Variants in SETD2 observed in about 807,000 individuals in gnomAD.
SETD2 encodes the protein SET domain containing 2, histone lysine methyltransferase, also known as histone-lysine N-methyltransferase SETD2.
Under a neutral mutation model 242.1 loss-of-function variants are expected in SETD2, and 31 were observed. The ratio of observed to expected loss-of-function variants is 0.13; its 90% confidence interval spans 0.10 to 0.17. The LOEUF is 0.17. Among genes scored for constraint, SETD2 ranks in the 10% least tolerant of loss-of-function variants. The probability of loss-of-function intolerance (pLI) is 1.00; values close to 1 mark genes in which losing one functional copy is unlikely to be tolerated. For synonymous variants in SETD2, 1,006 were observed against 1,066.5 expected (o/e 0.94, Z 1.11); for missense variants, 2,481 against 3,046.3 (o/e 0.81, Z 4.37).
At chr3:47,071,691 C>A (rs1167286279) in intron 12 of SETD2, among the ~76,000 whole-genome samples, 4 of 149,366 alleles carry the variant, frequency 2.7e-5, no homozygotes, top group African/African-American at 9.9e-5. Flanking sequence ...AAAAAAAAAA[C>A]AAATAAAAGT....
intron 14 of SETD2, among the ~76,000 whole-genome samples, 167 bp from the exon 15 acceptor site, chr3:47,057,657 A>G (rs1200070478): frequency 6.6e-6 from 1 of 152,188 alleles, no homozygotes. Flanking sequence ...TTGCACACAG[A>G]ACAGAATCCC....
chr3:47,086,426 C>A, intron 10 of SETD2, 112 bp from the exon 11 acceptor site: 3 of 1,020,416 alleles, frequency 2.9e-6, no homozygotes, highest in Admixed American at 5.7e-5. Flanking sequence ...GGTTCACTTA[C>A]ATTCACAAAA....
At chr3:47,141,476 AAC>A (rs2043726914) in intron 1 of SETD2, among the ~76,000 whole-genome samples, 1 of 152,184 alleles carries the variant, frequency 6.6e-6, no homozygotes, top group African/African-American at 2.4e-5. Context: ...TCTAAATAAA[AAC>A]ACAGAAATAA....
chr3:47,141,583 A>G (rs2106793355), intron 1 of SETD2, among the ~76,000 whole-genome samples: 1 of 152,318 alleles, frequency 6.6e-6, no homozygotes, highest in South Asian at 2.1e-4. Flanking sequence ...ATAACTGCTT[A>G]CTTTCATCTT....
intron 12 of SETD2, among the ~76,000 whole-genome samples, chr3:47,070,922 G>A (rs1043844413): frequency 6.6e-5 from 10 of 152,098 alleles, no homozygotes; most frequent in Admixed American, 6.5e-5. Context: ...TGTGTATAGC[G>A]ATGGGGTCTT....
intron 1 of SETD2, among the ~76,000 whole-genome samples, chr3:47,142,692 G>A (rs11719306): frequency 0.55 from 81,806 of 148,000 alleles, 22,869 homozygotes; most frequent in Non-Finnish European, 0.58. Flanking sequence ...TTTTGAGATG[G>A]AGTTTTGCCC....
intron 1 of SETD2, among the ~76,000 whole-genome samples, chr3:47,153,827 AAAGT>A (rs1333019412): frequency 6.6e-6 from 1 of 152,168 alleles, no homozygotes; most frequent in Non-Finnish European, 1.5e-5. Context: ...GTAACTAATC[AAAGT>A]AAGGCAGGAA....
rs764468233 is a variant in SETD2, at chr3:47,017,734, G to C, written c.7437C>G (p.Ser2479=). ...GGTTCAGGCACTGGACGATGAACTG[G>C]GACATCTGCAGGCAGAGAAAAGAGA... is the stretch of plus-strand genomic sequence containing the variant. The part of the protein sequence containing the change: ...KSKEVFRKEM[S]QFIVQCLNPY... Residue 2479 remains serine (S), a synonymous_variant, in exon 20 of 21, where the codon TCC becomes TCG. Coordinates refer to ENST00000409792, the MANE Select transcript of SETD2 (RefSeq NM_014159.7). This position sits in a 1 kb window ranked among gnomAD's most constrained non-coding sequence, Gnocchi z 4.8. The C allele has an allele frequency of 6.2e-7, 1 of 1,612,166 alleles. No homozygotes were observed. Among genetic ancestry groups the C allele is most frequent in the Non-Finnish European group, 8.5e-7 (1 of 1,178,268 alleles).
chr3:47,121,841 A>G lies in SETD2; in HGVS notation c.2795T>C (p.Val932Ala), dbSNP rs778247125. ...KHAGKETIVE[V>A]GSDLPDSGKG... ...TCCTGAATCAGGAAGGTCACTACCT[A>G]CTTCTACTATTGTTTCTTTCCCTGC... Residue 932 changes from valine to alanine, a missense_variant, in exon 3 of 21, where the codon GTA (valine) becomes GCA (alanine). Around this residue, in one of 17 missense-constraint regions of SETD2, gnomAD observed 1,300 missense variants for 1,259.2 expected, o/e 1.03. Coordinates refer to ENST00000409792, the MANE Select transcript of SETD2 (RefSeq NM_014159.7). 1 of 1,614,042 alleles carries G rather than the reference A, an allele frequency of 6.2e-7. No individual in the cohort carries two copies. Among genetic ancestry groups the G allele is most frequent in the Admixed American group, 1.7e-5 (1 of 60,000 alleles).
At chr3:47,036,130 C>A (rs2038986464) in intron 18 of SETD2, among the ~76,000 whole-genome samples, 1 of 152,180 alleles carries the variant, frequency 6.6e-6, no homozygotes, top group Non-Finnish European at 1.5e-5. Flanking sequence ...CACTCCAGCT[C>A]CTTTTCTTCC....
chr3:47,133,929 G>GA (rs1385270244), intron 1 of SETD2, among the ~76,000 whole-genome samples: 1 of 152,104 alleles, frequency 6.6e-6, no homozygotes. Flanking sequence ...GATAACAAAA[G>GA]AAAGGAAGCC....
chr3:47,054,660 A>G (rs559513667), intron 15 of SETD2, among the ~76,000 whole-genome samples: 2 of 152,302 alleles, frequency 1.3e-5, no homozygotes, highest in South Asian at 2.1e-4. Flanking sequence ...CTGATGACCA[A>G]TAATGCCCAC....
At chr3:47,107,711 T>C (rs1173844663) in intron 5 of SETD2, among the ~76,000 whole-genome samples, 1 of 104,926 alleles carries the variant, frequency 9.5e-6, no homozygotes, top group Non-Finnish European at 2.0e-5. Context: ...GAAAAGTCAC[T>C]TTGGGTGGCG....
chr3:47,045,971 A>C (rs1165029005), intron 16 of SETD2, among the ~76,000 whole-genome samples: 2 of 151,434 alleles, frequency 1.3e-5, no homozygotes, highest in African/African-American at 4.8e-5. Context: ...GAATTAAAAA[A>C]ATTTTTTTTT....
In SETD2 at chr3:47,113,985, C is replaced by T. The variant is rs2107719876; in HGVS notation, c.4606G>A (p.Gly1536Arg). ...AACCGTCTATTGGAACAATAATCCC[C>T]ATTTGGACACCGAGAAGAACTGAAA... ...MIECSSRCPN[G>R]DYCSNRRFQR... is the part of the protein sequence containing the mutation. Residue 1536 changes from glycine to arginine, a missense_variant, in exon 5 of 21, where the codon GGG becomes AGG. Physicochemically the swap from Gly to Arg is moderately radical, Grantham distance 125. Coordinates refer to ENST00000409792, the MANE Select transcript of SETD2 (RefSeq NM_014159.7). 6.2e-7 allele frequency: 1 copy of T among 1,609,936 alleles called. No homozygotes were observed. Among genetic ancestry groups the T allele is most frequent in the Non-Finnish European group, 8.5e-7 (1 of 1,178,464 alleles).
At chr3:47,088,783 C>A (rs2041674423) in intron 9 of SETD2, among the ~76,000 whole-genome samples, 1 of 151,984 alleles carries the variant, frequency 6.6e-6, no homozygotes, top group African/African-American at 2.4e-5. Context: ...AAAGCATTAG[C>A]CTGAAAAATA....
At chr3:47,063,985 G>A in intron 13 of SETD2, among the ~76,000 whole-genome samples, 1 of 38,684 alleles carries the variant, frequency 2.6e-5, no homozygotes, top group South Asian at 4.7e-4. Flanking sequence ...TCCATCTCGG[G>A]AGGAAAAAAA....
intron 1 of SETD2, among the ~76,000 whole-genome samples, chr3:47,130,917 T>C (rs62246443): frequency 0.14 from 20,749 of 152,040 alleles, 1,830 homozygotes; most frequent in East Asian, 0.23. Flanking sequence ...ATGGTATATA[T>C]AGAAAAAGAC....
rs2043829557 is a variant in SETD2, at chr3:47,145,436, G to A, written c.71+18418C>T. On this transcript the variant is annotated intron_variant, in intron 1 of 20. Transcript: ENST00000409792. Reference sequence around the variant, plus strand: ...GACGGGGTCTTGCTTTGTTGCCCAGGCTGGAGCAAGTACAGTAGTACAATC... The same window carrying A: ...GACGGGGTCTTGCTTTGTTGCCCAGACTGGAGCAAGTACAGTAGTACAATC... 4 of 344,656 alleles carry A rather than the reference G, an allele frequency of 1.2e-5. No individual in the cohort carries two copies. In the Admixed American group the frequency reaches 1.2e-4, roughly 10 times the overall value. 21.3% of individuals were successfully genotyped at this position (344,656 alleles called of 1,614,324 possible).
Sources: gnomAD v4.1 joint callset for allele counts (sites outside exome capture counted in the v4.1 genomes callset) on GRCh38, gnomAD v4.1.1 for gene constraint, gnomAD v4.1.1 regional missense constraint, Gnocchi (gnomAD v3.1) non-coding constraint, MANE v1.5 for transcripts, NCBI Gene and HGNC (gene_info 2026-07-23, HGNC 2026-07-21) for gene names.